KIF26B: variants seen among roughly 807,000 people sequenced by gnomAD.
KIF26B encodes kinesin family member 26B, also known as kinesin-like protein KIF26B.
A neutral mutation model predicts 151.2 loss-of-function variants in KIF26B; 63 were observed. The observed-to-expected ratio is 0.42, with a 90% CI of 0.34 to 0.51. The LOEUF is 0.51. Among genes scored for constraint, KIF26B ranks in the 20% least tolerant of loss-of-function variants. KIF26B has a pLI of 0.07. For missense variants in KIF26B, 2,813 were observed against 2,913.6 expected (o/e 0.97, Z 0.79); for synonymous variants, 1,357 against 1,262.1 (o/e 1.08, Z -1.59).
At chr1:245,295,912 G>A (rs1423124143) in intron 2 of KIF26B, among the ~76,000 whole-genome samples, 1 of 152,160 alleles carries the variant, frequency 6.6e-6, no homozygotes, top group Admixed American at 6.5e-5. Flanking sequence ...GTGAAACTGT[G>A]TTTAGAACTT....
intron 9 of KIF26B, among the ~76,000 whole-genome samples, chr1:245,635,730 TGAAGCCATG>T (rs1388092909): frequency 3.3e-5 from 5 of 152,162 alleles, no homozygotes; most frequent in African/African-American, 1.2e-4. Flanking sequence ...ATCATTGATT[TGAAGCCATG>T]GTTGCTTTCT....
intron 2 of KIF26B, among the ~76,000 whole-genome samples, chr1:245,328,646 T>C (rs1672041223): frequency 1.3e-5 from 2 of 152,092 alleles, no homozygotes; most frequent in African/African-American, 2.4e-5. Context: ...GTGATGCCTT[T>C]AGTTGGTTTA....
At chr1:245,460,517 A>G (rs538515001) in intron 4 of KIF26B, among the ~76,000 whole-genome samples, 10 of 152,276 alleles carry the variant, frequency 6.6e-5, no homozygotes, top group Non-Finnish European at 1.0e-4. Flanking sequence ...CATATAGTTT[A>G]AAATATTTAC....
intron 4 of KIF26B, among the ~76,000 whole-genome samples, chr1:245,538,917 A>G (rs1661542190): frequency 6.6e-6 from 1 of 152,122 alleles, no homozygotes. Flanking sequence ...ATTTAGGGAG[A>G]GAATTTCAAA....
chr1:245,296,620 G>A (rs902794797), intron 2 of KIF26B, among the ~76,000 whole-genome samples: 1 of 152,208 alleles, frequency 6.6e-6, no homozygotes, highest in African/African-American at 2.4e-5. Context: ...GGGATGCCCA[G>A]AATGTTAGGA....
Position 245,239,693 on chromosome 1 carries a change from C to T in KIF26B, c.465+83010C>T, listed in dbSNP as rs1344795304. 2.6e-5 allele frequency among the ~76,000 whole-genome samples: 4 copies of T among 151,908 alleles called. No individual in the cohort carries two copies. The highest frequency in any genetic ancestry group is 2.1e-4 in the South Asian group (1 of 4,822). On this transcript the variant is annotated intron_variant, in intron 2 of 14. Coordinates refer to ENST00000407071, the MANE Select transcript of KIF26B (RefSeq NM_018012.4). This position sits in a 1 kb window ranked among gnomAD's most constrained non-coding sequence, Gnocchi z 4.3. ...TAATTTTTTGTATTTTTAGTAGAGA[C>T]GGGTTTTCACTATGTTGGCCAGGCT...
intron 9 of KIF26B, among the ~76,000 whole-genome samples, chr1:245,636,763 T>C (rs1312923091): frequency 6.6e-6 from 1 of 152,072 alleles, no homozygotes; most frequent in Non-Finnish European, 1.5e-5. Flanking sequence ...TGTCTTTCCA[T>C]ACCTGACTTA....
chr1:245,408,686 T>G (rs1674199343), intron 3 of KIF26B, among the ~76,000 whole-genome samples: 1 of 152,160 alleles, frequency 6.6e-6, no homozygotes, highest in African/African-American at 2.4e-5. Flanking sequence ...AATACAATCT[T>G]TTGCTGTTAG....
At chr1:245,678,670 T>C (rs1308758878) in intron 10 of KIF26B, among the ~76,000 whole-genome samples, 3 of 152,120 alleles carry the variant, frequency 2.0e-5, no homozygotes, top group African/African-American at 7.2e-5. Flanking sequence ...GAGACCATCG[T>C]GGCCAACATG....
At chr1:245,477,925 T>C (rs1660075877) in intron 4 of KIF26B, among the ~76,000 whole-genome samples, 3 of 151,788 alleles carry the variant, frequency 2.0e-5, no homozygotes, top group African/African-American at 7.2e-5. Context: ...CTAGTCATCA[T>C]ACTGTGCAAG....
chr1:245,199,961 T>C (rs1669268846), intron 2 of KIF26B, among the ~76,000 whole-genome samples: 1 of 152,228 alleles, frequency 6.6e-6, no homozygotes, highest in South Asian at 2.1e-4. Flanking sequence ...AAACCCGGCC[T>C]CTGCCCTCAT....
At chr1:245,282,512 C>T (rs895922283) in intron 2 of KIF26B, among the ~76,000 whole-genome samples, 9 of 152,148 alleles carry the variant, frequency 5.9e-5, no homozygotes, top group East Asian at 1.9e-4. Flanking sequence ...GCAACATGGC[C>T]GCCCCCACGT....
chr1:245,313,919 C>A (rs1403028772), intron 2 of KIF26B, among the ~76,000 whole-genome samples: 1 of 152,172 alleles, frequency 6.6e-6, no homozygotes, highest in Non-Finnish European at 1.5e-5. Context: ...TTTCATGGCA[C>A]CCCTCCTGTC....
intron 2 of KIF26B, among the ~76,000 whole-genome samples, chr1:245,212,497 G>A (rs577839979): frequency 1.2e-4 from 19 of 152,230 alleles, no homozygotes; most frequent in African/African-American, 4.1e-4. Context: ...TGATGCCTCC[G>A]GGCAGTTAAG....
rs950282737 is a variant in KIF26B at position 245,289,173 on chromosome 1, T to A, written c.466-77661T>A. On this transcript the variant is annotated intron_variant, in intron 2 of 14. Coordinates refer to ENST00000407071, the MANE Select transcript of KIF26B (RefSeq NM_018012.4). ...TTTTGGAATCTTCACCAGAGCTGAT[T>A]GATCAACTCAGACAACACTCTTTAT... 2.6e-5 allele frequency among the ~76,000 whole-genome samples: 4 copies of A among 152,226 alleles called. No homozygotes were observed. In the East Asian group the frequency reaches 5.8e-4, roughly 22 times the overall value.
intron 4 of KIF26B, among the ~76,000 whole-genome samples, chr1:245,434,952 A>G (rs1658868079): frequency 6.6e-6 from 1 of 151,674 alleles, no homozygotes; most frequent in South Asian, 2.1e-4. Context: ...GGTATAAGAT[A>G]TTGGAAGTAT....
intron 4 of KIF26B, among the ~76,000 whole-genome samples, chr1:245,487,773 T>TC (rs1312879316): frequency 2.1e-4 from 2 of 9,696 alleles, no homozygotes; most frequent in East Asian, 0.011. Flanking sequence ...AATTTTTTTT[T>TC]TTTTTTTTGA....
intron 2 of KIF26B, among the ~76,000 whole-genome samples, chr1:245,250,059 T>G (rs1296301251): frequency 3.3e-5 from 5 of 152,218 alleles, no homozygotes; most frequent in Non-Finnish European, 7.3e-5. Flanking sequence ...ACATGATCCG[T>G]GTAGCTTTCA....
rs376860728 is a variant in KIF26B, at chr1:245,489,064, A to G, written c.1167-51703A>G. Among the ~76,000 whole-genome samples, 9 of 152,228 alleles carry G rather than the reference A, an allele frequency of 5.9e-5. 1 individual carries two copies. The highest frequency in any genetic ancestry group is 5.2e-4 in the Admixed American group (8 of 15,280). On this transcript the variant is annotated intron_variant, in intron 4 of 14. Transcript: ENST00000407071. Reference sequence around the variant, plus strand: ...GGAAAGCGAATTCTCATCTCTTCCAATCACTGCAAGACATGGAACGGATAG... The same window carrying G: ...GGAAAGCGAATTCTCATCTCTTCCAGTCACTGCAAGACATGGAACGGATAG...
Sources: gnomAD v4.1 joint callset for allele counts (sites outside exome capture counted in the v4.1 genomes callset) on GRCh38, gnomAD v4.1.1 for gene constraint, Gnocchi (gnomAD v3.1) non-coding constraint, MANE v1.5 for transcripts, NCBI Gene and HGNC (gene_info 2026-07-23, HGNC 2026-07-21) for gene names.